CREB5: variants seen among roughly 807,000 people sequenced by gnomAD.
CREB5 encodes cyclic AMP-responsive element-binding protein 5.
A neutral mutation model predicts 57.1 loss-of-function variants in CREB5; 19 were observed. The observed-to-expected ratio is 0.33, with a 90% CI of 0.23 to 0.49. The LOEUF is 0.49. CREB5 is among the 20% of genes least tolerant of loss of function. CREB5 has a pLI of 0.99. For missense variants in CREB5, 579 were observed against 671.6 expected, an observed-to-expected ratio of 0.86 and a Z score of 1.52; for synonymous variants, 238 against 238.3, an observed-to-expected ratio of 1.00 and a Z score of 0.01.
intron 5 of CREB5, among the ~76,000 whole-genome samples, chr7:28,690,252 A>T (rs1801181723): frequency 6.6e-6 from 1 of 151,964 alleles, no homozygotes; most frequent in South Asian, 2.1e-4. Context: ...GTGGAGGAGG[A>T]GAGATGGCTT....
chr7:28,815,333 T>A (rs6964597), intron 9 of CREB5, among the ~76,000 whole-genome samples: 102,168 of 152,070 alleles, frequency 0.67, 34,753 homozygotes, highest in Non-Finnish European at 0.72. Flanking sequence ...TAAATGATGG[T>A]CAGTTGTCTC....
At chr7:28,473,474 T>C (rs904447155) in intron 1 of CREB5, among the ~76,000 whole-genome samples, 1 of 152,240 alleles carries the variant, frequency 6.6e-6, no homozygotes, top group East Asian at 1.9e-4. Flanking sequence ...GTTTTGCTTT[T>C]TGTTTCTTTG....
intron 5 of CREB5, among the ~76,000 whole-genome samples, chr7:28,616,881 C>G (rs1759788436): frequency 6.6e-6 from 1 of 152,170 alleles, no homozygotes; most frequent in South Asian, 2.1e-4. Flanking sequence ...TTTATTAATT[C>G]AATAGTTCAT....
intron 7 of CREB5, among the ~76,000 whole-genome samples, chr7:28,773,216 C>G (rs1806432385): frequency 6.6e-6 from 1 of 152,016 alleles, no homozygotes. Flanking sequence ...ATGTGGAACT[C>G]TACCTACCTC....
chr7:28,316,009 G>A (rs1785371480), intron 1 of CREB5, among the ~76,000 whole-genome samples: 1 of 152,194 alleles, frequency 6.6e-6, no homozygotes, highest in Non-Finnish European at 1.5e-5. Flanking sequence ...GGCAAGTGCT[G>A]TAAAAGAGAC....
intron 1 of CREB5, among the ~76,000 whole-genome samples, chr7:28,385,376 G>A (rs1429048677): frequency 6.6e-6 from 1 of 152,130 alleles, no homozygotes; most frequent in African/African-American, 2.4e-5. Flanking sequence ...TGAAGTCAGT[G>A]GAAGAAGTAT....
intron 5 of CREB5, among the ~76,000 whole-genome samples, chr7:28,658,615 TAGAC>T (rs1799428175): frequency 6.6e-6 from 1 of 152,142 alleles, no homozygotes; most frequent in Non-Finnish European, 1.5e-5. Flanking sequence ...CACCATCAAA[TAGAC>T]AGCTCACTGA....
chr7:28,594,872 T>C (rs953840741), intron 5 of CREB5, among the ~76,000 whole-genome samples: 7 of 152,192 alleles, frequency 4.6e-5, no homozygotes, highest in South Asian at 2.1e-4. Context: ...TCCTCCTCCT[T>C]CTGTTTTCTA....
chr7:28,435,948 G>T (rs1788943416), intron 1 of CREB5, among the ~76,000 whole-genome samples: 1 of 152,108 alleles, frequency 6.6e-6, no homozygotes, highest in Non-Finnish European at 1.5e-5. Context: ...GAAGCGACCT[G>T]GGTGTAACAT....
chr7:28,819,101 T>C lies in CREB5; in HGVS notation c.1364-15T>C. On this transcript the variant is annotated splice_polypyrimidine_tract_variant and intron_variant, in intron 10 of 10. Coordinates refer to ENST00000357727, the MANE Select transcript of CREB5 (RefSeq NM_182898.4). The stretch of plus-strand genomic sequence containing the variant: ...TGTGTGTATGTGTGTGTGTTGTCTT[T>C]TTTTTTCTCCCTAGGTCCAGAGAGT... 6.2e-7 allele frequency: 1 copy of C among 1,609,248 alleles called. No homozygotes were observed. Among genetic ancestry groups the C allele is most frequent in the East Asian group, 2.2e-5 (1 of 44,866 alleles).
At chr7:28,351,529 T>C (rs1786185158) in intron 1 of CREB5, among the ~76,000 whole-genome samples, 2 of 152,214 alleles carry the variant, frequency 1.3e-5, no homozygotes, top group Admixed American at 6.5e-5. Flanking sequence ...TCCCATCTAT[T>C]AATGAGCATG....
intron 1 of CREB5, among the ~76,000 whole-genome samples, chr7:28,456,662 C>T (rs1294194712): frequency 1.3e-5 from 2 of 152,216 alleles, no homozygotes; most frequent in African/African-American, 2.4e-5. Context: ...TTGTGAAATT[C>T]TTAGGTAAAT....
At chr7:28,567,970 T>C (rs1462176365) in intron 4 of CREB5, among the ~76,000 whole-genome samples, 1 of 152,152 alleles carries the variant, frequency 6.6e-6, no homozygotes, top group Non-Finnish European at 1.5e-5. Flanking sequence ...CTGTGTGTAA[T>C]GTGATCACTT....
At chr7:28,809,980 C>A (rs6955189) in intron 9 of CREB5, among the ~76,000 whole-genome samples, 1 of 152,048 alleles carries the variant, frequency 6.6e-6, no homozygotes, top group African/African-American at 2.4e-5. Context: ...TTATGTAGCT[C>A]TGAAAGAAAA....
At chr7:28,784,030 G>A (rs1438446708) in intron 7 of CREB5, among the ~76,000 whole-genome samples, 1 of 152,218 alleles carries the variant, frequency 6.6e-6, no homozygotes, top group Non-Finnish European at 1.5e-5. Context: ...TTAGTATTGT[G>A]TCTGAAAGTG....
At chr7:28,623,184 C>T (rs1349553381) in intron 5 of CREB5, among the ~76,000 whole-genome samples, 1 of 152,156 alleles carries the variant, frequency 6.6e-6, no homozygotes, top group South Asian at 2.1e-4. Flanking sequence ...CACCTGTCCC[C>T]ATCTACTTCT....
chr7:28,747,071 A>T (rs1360986073), intron 7 of CREB5, among the ~76,000 whole-genome samples: 1 of 150,920 alleles, frequency 6.6e-6, no homozygotes, highest in African/African-American at 2.4e-5. Flanking sequence ...CATTTAGAAA[A>T]ACTAGAAACA....
intron 7 of CREB5, among the ~76,000 whole-genome samples, chr7:28,758,431 G>T (rs1322743564): frequency 6.6e-6 from 1 of 152,192 alleles, no homozygotes; most frequent in Admixed American, 6.5e-5. Flanking sequence ...CCACCGATTT[G>T]TTGGAAGTGT....
intron 1 of CREB5, among the ~76,000 whole-genome samples, chr7:28,345,537 T>C (rs1262738460): frequency 6.6e-6 from 1 of 152,102 alleles, no homozygotes; most frequent in Non-Finnish European, 1.5e-5. Context: ...ATTTATCCTT[T>C]AGGGCAGGGC....
Sources: allele counts gnomAD v4.1 joint callset (sites outside exome capture counted in the v4.1 genomes callset), GRCh38; gene constraint gnomAD v4.1.1; transcripts MANE v1.5; gene names NCBI Gene and HGNC (gene_info 2026-07-23, HGNC 2026-07-21).